Variants in PRDM8 observed in about 807,000 individuals in gnomAD.
The protein encoded by PRDM8 is PR domain zinc finger protein 8.
Under a neutral mutation model 46.5 loss-of-function variants are expected in PRDM8, and 13 were observed. The ratio of observed to expected loss-of-function variants is 0.28; its 90% CI spans 0.18 to 0.44. The LOEUF is 0.44. Among genes scored for constraint, PRDM8 ranks in the 20% least tolerant of loss-of-function variants. The pLI is 1.00. For missense variants in PRDM8, 998 were observed against 955.0 expected (o/e 1.04, Z -0.59); for synonymous variants, 473 against 438.4 (o/e 1.08, Z -0.98).
chr4:80,202,827 G>T lies in PRDM8; in HGVS notation c.1365G>T (p.Ala455=). 1 of 1,228,430 alleles carries T rather than the reference G, an allele frequency of 8.1e-7. No homozygotes were observed. Among genetic ancestry groups the T allele is most frequent in the Non-Finnish European group, 1.0e-6 (1 of 988,918 alleles). 76.1% of individuals were successfully genotyped at this position (1,228,430 alleles called of 1,614,324 possible). The change falls in exon 4 of 4, where the codon GCG becomes GCT. Residue 455 remains alanine (A), a synonymous_variant. Transcript: ENST00000415738. The stretch of plus-strand genomic sequence containing the variant: ...GCCGGCTCGAGGGCGGCAGTCCTGC[G>T]AGGGGCAGCGCCTTCACTTCGGTGC... ...LPSRLEGGSP[A]RGSAFTSVPQ...
upstream of PRDM8, chr4:80,197,262 C>A (rs1409790220): frequency 1.0e-6 from 1 of 982,764 alleles, no homozygotes; most frequent in Non-Finnish European, 1.2e-6. Context: ...TCCTAGCAGT[C>A]CCAGAGGGCC....
Position 80,203,749 on chromosome 4 carries a change from CA to C in PRDM8, c.*218del. 2 of 520,366 alleles carry C rather than the reference CA, an allele frequency of 3.8e-6. No homozygotes were observed. Among genetic ancestry groups the C allele is most frequent in the African/African-American group, 2.0e-5 (1 of 49,578 alleles). The allele number at this position is 520,366 out of a possible 1,614,324, so 32.2% of individuals were successfully genotyped here. A position where few individuals can be genotyped will look rare whatever the true frequency, so the allele number is the denominator to read the frequency against. On this transcript the variant is annotated 3_prime_UTR_variant, in exon 4 of 4. Transcript: ENST00000415738. ...TACCCGGGACACACACCCCCCCCCA[CA>C]CACACACACAGACACACTCACACAC...
At chr4:80,192,274 A>G (rs1400831380) in intron 2 of PRDM8, among the ~76,000 whole-genome samples, 1 of 152,210 alleles carries the variant, frequency 6.6e-6, no homozygotes, top group African/African-American at 2.4e-5. Context: ...CTGTGTGTCT[A>G]TCGTTGCCTC....
upstream of PRDM8, chr4:80,196,658 C>G (rs900291722): frequency 1.0e-6 from 1 of 969,824 alleles, no homozygotes. Flanking sequence ...CTCAGAGTGC[C>G]AACAGTACCC....
chr4:80,200,771 C>T (rs137890338), intron 2 of PRDM8, among the ~76,000 whole-genome samples: 1 of 152,200 alleles, frequency 6.6e-6, no homozygotes, highest in Non-Finnish European at 1.5e-5. Flanking sequence ...ATGGTTTTGA[C>T]AGTAAAGCAT....
chr4:80,200,255 G>C lies in PRDM8; in HGVS notation c.175G>C (p.Ala59Pro). 1 of 1,614,056 alleles carries C rather than the reference G, an allele frequency of 6.2e-7. No individual in the cohort carries two copies. Reference protein sequence around the residue: ...TSLYDSIAFIALKSTDKRTVP... With the variant: ...TSLYDSIAFIPLKSTDKRTVP... ...CCTATATGACAGCATAGCTTTCATA[G>C]CTCTCAAGTCTACTGACAAGAGAAC... Residue 59 changes from alanine (A) to proline (P), a missense_variant, in exon 2 of 4, where the codon GCT becomes CCT. Ala to Pro is a conservative substitution (Grantham distance 27). Coordinates refer to ENST00000415738, the MANE Select transcript of PRDM8 (RefSeq NM_001099403.2).
chr4:80,200,504 A>C (rs1469781879), intron 2 of PRDM8, among the ~76,000 whole-genome samples: 1 of 152,232 alleles, frequency 6.6e-6, no homozygotes, highest in Non-Finnish European at 1.5e-5. Context: ...TAAATGACAA[A>C]ATTTGATTTG....
exon 1 of PRDM8, chr4:80,185,378 A>G (rs764942305): frequency 1.3e-5 from 2 of 152,264 alleles, no homozygotes; most frequent in Non-Finnish European, 2.9e-5. Context: ...CGCTAGAGGA[A>G]TGTGCAAGGA....
At chr4:80,198,100 C>T (rs113355095) in intron 1 of PRDM8, among the ~76,000 whole-genome samples, 8,623 of 152,214 alleles carry the variant, frequency 0.057, 793 homozygotes, top group African/African-American at 0.19. Context: ...TAGAGCGGGG[C>T]ACGGAGCTGT....
chr4:80,188,708 G>A lies in PRDM8; in HGVS notation c.-982-2764G>A, dbSNP rs573957664. On this transcript the variant is annotated intron_variant, in intron 1 of 9. Coordinates refer to the PRDM8 transcript ENST00000339711. ...TTACCTGATCCCCAGTCCTAGCCTGGGCGGAAAGTTTCATATAACTTGAGA... is the reference window on the plus strand; with the variant it reads ...TTACCTGATCCCCAGTCCTAGCCTGAGCGGAAAGTTTCATATAACTTGAGA... 3.9e-4 allele frequency among the ~76,000 whole-genome samples: 60 copies of A among 152,316 alleles called. 1 individual carries two copies. In the South Asian group the frequency reaches 5.0e-3, roughly 13 times the overall value.
chr4:80,196,033 C>A (rs1056928299), upstream of PRDM8: 6 of 984,222 alleles, frequency 6.1e-6, no homozygotes, highest in African/African-American at 1.7e-5. Flanking sequence ...CCCTGGCCTC[C>A]TGGGACTGCA....
chr4:80,192,899 G>T (rs1423214839), upstream of PRDM8, among the ~76,000 whole-genome samples: 1 of 152,158 alleles, frequency 6.6e-6, no homozygotes, highest in South Asian at 2.1e-4. Context: ...CTACAACCCA[G>T]ATCCAGGAGA....
intron 1 of PRDM8, chr4:80,190,189 G>A (rs1022057519): frequency 6.6e-6 from 1 of 152,262 alleles, no homozygotes; most frequent in Non-Finnish European, 1.5e-5. Context: ...GAGAGAGGGT[G>A]GTGGAAAGAG....
rs2109880645 is a variant in PRDM8, at chr4:80,203,287, C to A, written c.1825C>A (p.Leu609Ile). Residue 609 changes from leucine to isoleucine, a missense_variant, in exon 4 of 4, where the codon CTC (leucine) becomes ATC (isoleucine). By Grantham distance (5) the Leu-to-Ile change is conservative (BLOSUM62 2). Coordinates refer to ENST00000415738, the MANE Select transcript of PRDM8 (RefSeq NM_001099403.2). The part of the protein sequence containing the change: ...GPLQLQLPSA[L>I]TLLPPSFTSL... ...CTTGCAGCTGCAGCTGCCCTCGGCG[C>A]TCACGCTGCTGCCGCCCTCCTTCAC... The A allele has an allele frequency of 1.2e-6, 2 of 1,604,500 alleles. No homozygotes were observed. The highest frequency in any genetic ancestry group is 4.5e-5 in the East Asian group (2 of 44,376).
Position 80,202,880 on chromosome 4 carries a change from G to C in PRDM8, c.1418G>C (p.Ser473Thr). 7.8e-7 allele frequency: 1 copy of C among 1,284,662 alleles called. No individual in the cohort carries two copies. Among genetic ancestry groups the C allele is most frequent in the Non-Finnish European group, 9.8e-7 (1 of 1,024,510 alleles). 79.6% of individuals were successfully genotyped at this position (1,284,662 alleles called of 1,614,324 possible). Residue 473 changes from serine (S) to threonine (T), a missense_variant, in exon 4 of 4, where the codon AGC (serine) becomes ACC (threonine). By Grantham distance (58) the Ser-to-Thr change is moderately conservative. Transcript: ENST00000415738. Reference sequence around the variant, plus strand: ...CAGCTGGGCAGCGCGGGCAGCACCAGCGGTGGGGGCGGAACGGGCGCCGGG... The same window carrying C: ...CAGCTGGGCAGCGCGGGCAGCACCACCGGTGGGGGCGGAACGGGCGCCGGG... ...VPQLGSAGST[S>T]GGGGTGAGAA...
rs780056353 is a variant in PRDM8, at chr4:80,203,080, G to A, written c.1618G>A (p.Ala540Thr). 1.9e-6 allele frequency: 3 copies of A among 1,568,066 alleles called. No homozygotes were observed. Among genetic ancestry groups the A allele is most frequent in the East Asian group, 2.4e-5 (1 of 42,374 alleles). ...CGTGGGCCCCACCAGACTCTATCCCGCCGCCGCGGACCCTCTAGCGGTGAA... is the reference window on the plus strand; with the variant it reads ...CGTGGGCCCCACCAGACTCTATCCCACCGCCGCGGACCCTCTAGCGGTGAA... ...DGVGPTRLYPAAADPLAVKLQ... is the reference protein window; with the variant it reads ...DGVGPTRLYPTAADPLAVKLQ... The change falls in exon 4 of 4, where the codon GCC (alanine) becomes ACC (threonine). Residue 540 changes from alanine (A) to threonine (T), a missense_variant. Ala to Thr is a moderately conservative substitution (Grantham distance 58). Coordinates refer to ENST00000415738, the MANE Select transcript of PRDM8 (RefSeq NM_001099403.2).
chr4:80,201,422 C>A lies in PRDM8; in HGVS notation c.352C>A (p.Arg118Ser). The change falls in exon 3 of 4, where the codon CGC becomes AGC. Residue 118 changes from arginine to serine, a missense_variant. Transcript: ENST00000415738. ...CGGACAGCTGTTCTACCGCTCTCTC[C>A]GCAGGATTGCCAAAGACGAGGAGTT... Reference protein sequence around the residue: ...KNGQLFYRSLRRIAKDEELLV... With the variant: ...KNGQLFYRSLSRIAKDEELLV... The A allele has an allele frequency of 6.2e-7, 1 of 1,614,186 alleles. No homozygotes were observed. Among genetic ancestry groups the A allele is most frequent in the Non-Finnish European group, 8.5e-7 (1 of 1,180,036 alleles).
At chr4:80,197,013 T>C (rs1487014418), upstream of PRDM8, 3 of 985,246 alleles carry the variant, frequency 3.0e-6, no homozygotes, top group African/African-American at 5.2e-5. Context: ...CGCCCGTTTA[T>C]CACCCCCAGG....
intron 1 of PRDM8, among the ~76,000 whole-genome samples, chr4:80,199,450 G>C (rs1007824743): frequency 6.6e-6 from 1 of 152,134 alleles, no homozygotes; most frequent in Non-Finnish European, 1.5e-5. Context: ...GTCCCTTCTT[G>C]TAGGCTGCAG....
Sources: allele counts gnomAD v4.1 joint callset (sites outside exome capture counted in the v4.1 genomes callset), GRCh38; gene constraint gnomAD v4.1.1; transcripts MANE v1.5; gene names NCBI Gene and HGNC (gene_info 2026-07-23, HGNC 2026-07-21).